The following APEX2 variants were observed in gnomAD, a reference collection of about 807,000 sequenced individuals.
The protein encoded by APEX2 is DNA-(apurinic or apyrimidinic site) endonuclease 2.
APEX2 carries 4 observed loss-of-function variants against 16.7 expected under a neutral mutation model. That is an observed-to-expected ratio of 0.24 (90% CI 0.12 to 0.55). The LOEUF (loss-of-function observed/expected upper bound fraction) is 0.55, where lower values mean the gene tolerates loss of function less well. Ranked by LOEUF, APEX2 falls within the 20% of genes least tolerant of loss-of-function variation. APEX2 has a pLI of 0.94. For missense variants in APEX2, 357 were observed against 433.6 expected, an observed-to-expected ratio of 0.82 and a Z score of 1.57; for synonymous variants, 181 against 166.9, an observed-to-expected ratio of 1.08 and a Z score of -0.65.
At chrX:55,005,860 G>A (rs1218575437) in intron 5 of APEX2, among the ~76,000 whole-genome samples, 1 of 110,764 alleles carries the variant, frequency 9.0e-6, no homozygotes, top group South Asian at 3.9e-4. Flanking sequence ...TCGAAAGGAA[G>A]CCTCCTTGGT....
chrX:55,001,109 C>T (rs1032836223), intron 1 of APEX2, among the ~76,000 whole-genome samples: 3 of 109,871 alleles, frequency 2.7e-5, no homozygotes, highest in Admixed American at 9.7e-5. Flanking sequence ...TCTTCACCCT[C>T]TTATCTCCCC....
intron 5 of APEX2, among the ~76,000 whole-genome samples, chrX:55,004,672 G>A (rs775453063): frequency 2.4e-4 from 27 of 111,103 alleles, no homozygotes; most frequent in Admixed American, 8.6e-4. Flanking sequence ...CTGTCGGCCC[G>A]TTGTAAAAGT....
Position 55,007,349 on chromosome X carries a change from C to T in APEX2, c.1471C>T (p.Arg491Cys), listed in dbSNP as rs145264172. 70 of 1,204,195 alleles carry T rather than the reference C, an allele frequency of 5.8e-5. No individual in the cohort carries two copies. The highest frequency in any genetic ancestry group is 3.8e-4 in the African/African-American group (22 of 57,287). The change falls in exon 6 of 6, where the codon CGC becomes TGC. Residue 491 changes from arginine to cysteine, a missense_variant. Arg to Cys is a radical substitution (Grantham distance 180). Transcript: ENST00000374987. ...VKKPGPNLGR[R>C]FYMCARPRGP... is the part of the protein sequence containing the mutation. The stretch of plus-strand genomic sequence containing the variant: ...GAAGCCAGGACCCAACTTGGGCCGC[C>T]GCTTCTACATGTGTGCCAGGCCCCG...
In APEX2 at chrX:55,000,413, G is replaced by T. The variant is rs1008681; in HGVS notation, c.-10G>T. ...TTGGCGCGGGCTGGGAGGTGTTCCA[G>T]CCCTTTAAGATGTTGCGCGTGGTGA... On this transcript the variant is annotated 5_prime_UTR_variant, in exon 1 of 6. Transcript: ENST00000374987. 57 of 1,169,922 alleles carry T rather than the reference G, an allele frequency of 4.9e-5. No homozygotes were observed. The East Asian group carries it at 1.0e-3, about 22-fold the overall frequency.
At position 55,007,211 on chromosome X, in the gene APEX2, G is replaced by A. The variant is rs1484594603; in HGVS notation, c.1333G>A (p.Ala445Thr). 2.5e-6 allele frequency: 3 copies of A among 1,212,234 alleles called. No individual in the cohort carries two copies. Among genetic ancestry groups the A allele is most frequent in the Non-Finnish European group, 3.3e-6 (3 of 895,638 alleles). Residue 445 changes from alanine to threonine, a missense_variant, in exon 6 of 6, where the codon GCC becomes ACC. Transcript: ENST00000374987. Reference protein sequence around the residue: ...VVKGQAKTSEAKDEKELRTSF... With the variant: ...VVKGQAKTSETKDEKELRTSF... ...GAAGGGGCAGGCCAAGACTTCAGAA[G>A]CCAAAGATGAGAAGGAGTTACGGAC... is the stretch of plus-strand genomic sequence containing the variant.
chrX:55,000,630 C>A lies in APEX2; in HGVS notation c.157+51C>A, dbSNP rs764768861. ...CTACATACTTTTTCTTTCCCGCTAA[C>A]TTTTGTCCCCTGTCCCATGTAATTT... On this transcript the variant is annotated intron_variant, in intron 1 of 5. Transcript: ENST00000374987. 4.4e-6 allele frequency: 5 copies of A among 1,137,794 alleles called. No individual in the cohort carries two copies. In the Admixed American group the frequency reaches 7.8e-5, roughly 18 times the overall value. 93.8% of individuals were successfully genotyped at this position (1,137,794 alleles called of 1,213,427 possible).
intron 1 of APEX2, 91 bp downstream of exon 1, chrX:55,000,670 C>T (rs1935426644): frequency 9.6e-7 from 1 of 1,037,030 alleles, no homozygotes; most frequent in Non-Finnish European, 1.3e-6. Flanking sequence ...TTCCCAGTTT[C>T]CTATTCTTAG....
rs28382695 is a variant in APEX2 at position 55,007,542 on chromosome X, C to T, written c.*107C>T. 8.5e-3 allele frequency: 7,497 copies of T among 882,210 alleles called. 26 individuals carry two copies. The highest frequency in any genetic ancestry group is 9.9e-3 in the Non-Finnish European group (6,500 of 655,032). 72.7% of individuals were successfully genotyped at this position (882,210 alleles called of 1,213,427 possible). On this transcript the variant is annotated 3_prime_UTR_variant, in exon 6 of 6. Coordinates refer to ENST00000374987, the MANE Select transcript of APEX2 (RefSeq NM_014481.4). ...TGCTTCTCCCTCAAAGTCTCCTACC[C>T]TTCTCTTCCTCTTTTAAGCCCTCTC...
intron 2 of APEX2, 89 bp from the exon 3 acceptor site, chrX:55,002,162 T>C (rs1261037153): frequency 1.1e-6 from 1 of 914,305 alleles, no homozygotes; most frequent in Non-Finnish European, 1.5e-6. Context: ...ATGACTTAGA[T>C]GACTTGTGTG....
intron 4 of APEX2, 129 bp from the exon 5 acceptor site, chrX:55,003,670 T>TTA (rs1935472864): frequency 7.4e-6 from 4 of 543,447 alleles, no homozygotes; most frequent in Non-Finnish European, 1.2e-5. Context: ...AGGTAGGCTG[T>TTA]TATGAGTTGC....
chrX:55,006,980 T>C lies in APEX2; in HGVS notation c.1102T>C (p.Cys368Arg), dbSNP rs1263639603. 25 of 1,209,937 alleles carry C rather than the reference T, an allele frequency of 2.1e-5. No homozygotes were observed. The highest frequency in any genetic ancestry group is 2.8e-5 in the Non-Finnish European group (25 of 895,215). Residue 368 changes from cysteine (C) to arginine (R), a missense_variant, in exon 6 of 6, where the codon TGC becomes CGC. Cys to Arg is a radical substitution (Grantham distance 180). Transcript: ENST00000374987. ...CAACAATCAAACCCGGGTACAGACA[T>C]GCCAAAACAAAGCCCAAGTGCGCTC... ...QHNNQTRVQT[C>R]QNKAQVRSTR...
chrX:55,001,848 C>A (rs1391584997), intron 2 of APEX2, among the ~76,000 whole-genome samples: 2 of 103,925 alleles, frequency 1.9e-5, no homozygotes, highest in Non-Finnish European at 3.8e-5. Flanking sequence ...ATTGTGTGAA[C>A]TGTGGAGCCA....
intron 4 of APEX2, among the ~76,000 whole-genome samples, chrX:55,003,393 A>G (rs1183575257): frequency 8.9e-6 from 1 of 112,325 alleles, no homozygotes; most frequent in African/African-American, 3.2e-5. Context: ...TACCCTACAC[A>G]ATAGTTTTAA....
intron 5 of APEX2, 104 bp downstream of exon 5, chrX:55,003,972 G>A: frequency 1.4e-6 from 1 of 727,059 alleles, no homozygotes; most frequent in Non-Finnish European, 2.1e-6. Flanking sequence ...TTATGGGAAA[G>A]CGGAGCTTGG....
chrX:55,002,115 T>C (rs1469055894), intron 2 of APEX2, 136 bp from the exon 3 acceptor site: 1 of 585,217 alleles, frequency 1.7e-6, no homozygotes, highest in Non-Finnish European at 2.5e-6. Flanking sequence ...GACTCCAGGG[T>C]TTGAATAAGG....
chrX:55,004,521 T>C (rs951283718), intron 5 of APEX2, among the ~76,000 whole-genome samples: 1 of 111,860 alleles, frequency 8.9e-6, no homozygotes, highest in Admixed American at 9.4e-5. Context: ...GTTTATGAAC[T>C]TTCAGTACCT....
In APEX2 at chrX:55,002,345, C is replaced by T. The variant is rs1463337406; in HGVS notation, c.336C>T (p.Cys112=). ...CCACCCAGAATGGGGATGTTGGTTG[C>T]TATGGAAACATGGATGAGTTTACCC... is the stretch of plus-strand genomic sequence containing the variant. The part of the protein sequence containing the change: ...LFATQNGDVG[C]YGNMDEFTQE... Residue 112 remains cysteine (C), a synonymous_variant, in exon 3 of 6, where the codon TGC becomes TGT. Transcript: ENST00000374987. 8.3e-7 allele frequency: 1 copy of T among 1,211,608 alleles called. No homozygotes were observed. Among genetic ancestry groups the T allele is most frequent in the African/African-American group, 1.7e-5 (1 of 57,910 alleles).
intron 5 of APEX2, among the ~76,000 whole-genome samples, 189 bp from the exon 6 acceptor site, chrX:55,006,329 T>C (rs1935497193): frequency 9.0e-6 from 1 of 111,640 alleles, no homozygotes; most frequent in African/African-American, 3.3e-5. Context: ...CATGGTCTTT[T>C]AAATCAGTAA....
chrX:55,003,116 A>G lies in APEX2; in HGVS notation c.569+8A>G. 8.3e-7 allele frequency: 1 copy of G among 1,210,070 alleles called. No homozygotes were observed. Among genetic ancestry groups the G allele is most frequent in the Non-Finnish European group, 1.1e-6 (1 of 894,585 alleles). On this transcript the variant is annotated splice_region_variant and intron_variant, in intron 4 of 5. Coordinates refer to ENST00000374987, the MANE Select transcript of APEX2 (RefSeq NM_014481.4). Reference sequence around the variant, plus strand: ...CCTCCTGGCGGCAGGCAGGTACTGCAAGCCTGGGCAGTAAGGCTTCCTTGA... The same window carrying G: ...CCTCCTGGCGGCAGGCAGGTACTGCGAGCCTGGGCAGTAAGGCTTCCTTGA...
Sources: gnomAD v4.1 joint callset for allele counts (sites outside exome capture counted in the v4.1 genomes callset) on GRCh38, gnomAD v4.1.1 for gene constraint, MANE v1.5 for transcripts, NCBI Gene and HGNC (gene_info 2026-07-23, HGNC 2026-07-21) for gene names.